SOS1: variants seen among roughly 807,000 people sequenced by gnomAD.
The protein encoded by SOS1 is SOS Ras/Rac guanine nucleotide exchange factor 1.
SOS1 carries 25 observed loss-of-function variants against 157.6 expected under a neutral mutation model. The ratio of observed to expected loss-of-function variants is 0.16; its 90% CI spans 0.12 to 0.22. The LOEUF (loss-of-function observed/expected upper bound fraction) is 0.22. Ranked by LOEUF, SOS1 falls within the 10% of genes least tolerant of loss-of-function variation. The probability of loss-of-function intolerance (pLI) is 1.00; values close to 1 mark genes in which losing one functional copy is unlikely to be tolerated. For missense variants in SOS1, 1,237 were observed against 1,599.1 expected, an observed-to-expected ratio of 0.77 and a Z score of 3.86; for synonymous variants, 528 against 534.0, an observed-to-expected ratio of 0.99 and a Z score of 0.16.
intron 1 of SOS1, among the ~76,000 whole-genome samples, chr2:39,102,204 C>CAAAAAA (rs58865034): frequency 0.011 from 270 of 23,746 alleles, 98 homozygotes; most frequent in Non-Finnish European, 0.012. Context: ...GACTCTGTCT[C>CAAAAAA]AAAAAAAAAA....
Position 38,990,760 on chromosome 2 carries a change from G to T in SOS1, c.3347-1446C>A, listed in dbSNP as rs144427020. Among the ~76,000 whole-genome samples the T allele has an allele frequency of 3.4e-3, 515 of 152,222 alleles. 6 individuals carry two copies. The highest frequency in any genetic ancestry group is 3.4e-3 in the Middle Eastern group (1 of 294). On this transcript the variant is annotated intron_variant, in intron 20 of 22. Transcript: ENST00000402219. ...TACACAGATGTAAACTTGGCTTTGA[G>T]TATATTTATATATAGCACAGGCTTA... is the stretch of plus-strand genomic sequence containing the variant.
At chr2:39,090,942 CACTGCA>C (rs1672570558) in intron 1 of SOS1, among the ~76,000 whole-genome samples, 1 of 152,056 alleles carries the variant, frequency 6.6e-6, no homozygotes, top group Non-Finnish European at 1.5e-5. Context: ...GATTTTGGCT[CACTGCA>C]ACCTCAACCT....
At chr2:39,104,626 T>C (rs1048817975) in intron 1 of SOS1, among the ~76,000 whole-genome samples, 4 of 152,134 alleles carry the variant, frequency 2.6e-5, no homozygotes, top group Admixed American at 6.5e-5. Context: ...CCCAGATGAA[T>C]TGCAAATAGG....
At chr2:39,051,069 GAAGT>G (rs1031386995) in intron 6 of SOS1, 71 bp downstream of exon 6, 47 of 1,342,698 alleles carry the variant, frequency 3.5e-5, no homozygotes, top group Admixed American at 3.2e-4. Flanking sequence ...TAGCTGGAAA[GAAGT>G]AAGACTCTCA....
intron 15 of SOS1, 121 bp downstream of exon 15, chr2:39,010,463 C>T (rs1669429636): frequency 2.3e-6 from 2 of 856,684 alleles, no homozygotes; most frequent in East Asian, 5.1e-5. Flanking sequence ...CGATGTGCCA[C>T]TGCACTCCAG....
intron 6 of SOS1, among the ~76,000 whole-genome samples, chr2:39,045,273 AGTGTGTGTGTGT>A (rs60673777): frequency 9.3e-6 from 1 of 108,048 alleles, no homozygotes; most frequent in Non-Finnish European, 1.9e-5. Flanking sequence ...AGAGAGAGAG[AGTGTGTGTGTGT>A]GTGTGTGTGT....
intron 19 of SOS1, among the ~76,000 whole-genome samples, 195 bp from the exon 20 acceptor site, chr2:38,995,582 G>A (rs1572804935): frequency 6.6e-6 from 1 of 152,260 alleles, no homozygotes; most frequent in Admixed American, 6.5e-5. Flanking sequence ...TATCTAAATT[G>A]TTAAAGAATG....
At chr2:39,090,824 T>C (rs1672566031) in intron 1 of SOS1, among the ~76,000 whole-genome samples, 1 of 152,190 alleles carries the variant, frequency 6.6e-6, no homozygotes, top group South Asian at 2.1e-4. Context: ...AAATACAGCT[T>C]CCAATTCAGT....
chr2:39,090,447 G>T (rs537142588), intron 1 of SOS1, among the ~76,000 whole-genome samples: 4 of 152,238 alleles, frequency 2.6e-5, no homozygotes, highest in East Asian at 3.9e-4. Context: ...TGTAATCCCA[G>T]CACTTTGTGA....
intron 20 of SOS1, 47 bp from the exon 21 acceptor site, chr2:38,989,361 T>G: frequency 7.9e-7 from 1 of 1,264,496 alleles, no homozygotes; most frequent in Non-Finnish European, 1.2e-6. Context: ...TTCATTGATA[T>G]ATTCAACTCA....
chr2:38,992,493 T>C (rs1359077343), intron 20 of SOS1: 1 of 152,204 alleles, frequency 6.6e-6, no homozygotes, highest in African/African-American at 2.4e-5. Context: ...TTAATGCTAT[T>C]ATAACTGTTT....
chr2:39,115,403 TCTC>T (rs148408119), intron 1 of SOS1, among the ~76,000 whole-genome samples: 2,364 of 109,190 alleles, frequency 0.022, 77 homozygotes, highest in East Asian at 0.16. Context: ...ATTTGTTCTC[TCTC>T]TTTTTTTTTT....
At chr2:39,030,889 A>T (rs1670137444) in intron 8 of SOS1, among the ~76,000 whole-genome samples, 1 of 152,176 alleles carries the variant, frequency 6.6e-6, no homozygotes, top group African/African-American at 2.4e-5. Context: ...GGATGCAGAC[A>T]CATAGAGAAG....
chr2:39,040,915 C>G (rs1377676599), intron 6 of SOS1, among the ~76,000 whole-genome samples: 1 of 152,184 alleles, frequency 6.6e-6, no homozygotes, highest in Non-Finnish European at 1.5e-5. Flanking sequence ...GAGAAACCAG[C>G]AAACTGTCTG....
intron 6 of SOS1, among the ~76,000 whole-genome samples, chr2:39,048,012 G>A (rs1406021087): frequency 6.6e-6 from 1 of 152,110 alleles, no homozygotes; most frequent in Non-Finnish European, 1.5e-5. Context: ...CATTGGCTAT[G>A]CATATTACAA....
intron 12 of SOS1, 89 bp downstream of exon 12, chr2:39,013,778 T>C: frequency 8.8e-7 from 1 of 1,134,140 alleles, no homozygotes; most frequent in African/African-American, 1.5e-5. Context: ...TTGTCACCCC[T>C]CTCCTTGTTT....
intron 1 of SOS1, among the ~76,000 whole-genome samples, chr2:39,114,462 C>A (rs1673569726): frequency 6.6e-6 from 1 of 151,966 alleles, no homozygotes; most frequent in Non-Finnish European, 1.5e-5. Flanking sequence ...CGCCACCACG[C>A]CCAGCTAATT....
intron 2 of SOS1, among the ~76,000 whole-genome samples, chr2:39,065,849 C>G (rs1387946363): frequency 6.6e-6 from 1 of 152,058 alleles, no homozygotes; most frequent in Non-Finnish European, 1.5e-5. Flanking sequence ...CAGTGAACAA[C>G]AACAACAAAA....
chr2:39,063,477 C>G (rs534249791), intron 2 of SOS1, among the ~76,000 whole-genome samples: 3 of 152,314 alleles, frequency 2.0e-5, no homozygotes, highest in East Asian at 3.9e-4. Flanking sequence ...ACTCTACTTC[C>G]TTATTCATCT....
Sources: gnomAD v4.1 joint callset for allele counts (sites outside exome capture counted in the v4.1 genomes callset) on GRCh38, gnomAD v4.1.1 for gene constraint, MANE v1.5 for transcripts, NCBI Gene and HGNC (gene_info 2026-07-23, HGNC 2026-07-21) for gene names.